The following PITRM1 variants were observed in gnomAD, a reference collection of about 807,000 sequenced individuals.
The protein encoded by PITRM1 is presequence protease, mitochondrial.
PITRM1 carries 100 observed loss-of-function variants against 129.9 expected under a neutral mutation model. That is an observed-to-expected ratio of 0.77 (90% confidence interval 0.65 to 0.91). The LOEUF (loss-of-function observed/expected upper bound fraction) is 0.91. Ranked by LOEUF, PITRM1 falls within the 40% of genes least tolerant of loss-of-function variation. The pLI, the probability that PITRM1 is intolerant of heterozygous loss-of-function variation, is 0.00. For synonymous variants in PITRM1, 591 were observed against 508.8 expected, an observed-to-expected ratio of 1.16 and a Z score of -2.17; for missense variants, 1,471 against 1,318.3, an observed-to-expected ratio of 1.12 and a Z score of -1.79.
chr10:3,158,831 G>A (rs1313943736), intron 10 of PITRM1, 83 bp downstream of exon 10: 1 of 1,274,430 alleles, frequency 7.8e-7, no homozygotes, highest in African/African-American at 1.5e-5. Flanking sequence ...TCAAGTGTGG[G>A]GCCGGGACAG....
At position 3,149,747 on chromosome 10, in the gene PITRM1, T is replaced by G; in HGVS notation, c.1745A>C (p.Asp582Ala). ...TELDVVLTAGDIPVQYCAQPT... is the reference protein window; with the variant it reads ...TELDVVLTAGAIPVQYCAQPT... ...CTGGGCGCAGTACTGAACAGGGATA[T>G]CTCCAGCTAGAAAAACAAAAGGGAT... Residue 582 changes from aspartate (D) to alanine (A), a missense_variant, in exon 16 of 27, where the codon GAT (aspartate) becomes GCT (alanine). Physicochemically the swap from Asp to Ala is moderately radical, Grantham distance 126 (BLOSUM62 -2). Coordinates refer to ENST00000224949, the MANE Select transcript of PITRM1 (RefSeq NM_014889.4). 6.2e-7 allele frequency: 1 copy of G among 1,613,694 alleles called. No individual in the cohort carries two copies.
chr10:3,156,908 A>G (rs1451844099), intron 13 of PITRM1, 22 bp downstream of exon 13: 1 of 1,466,436 alleles, frequency 6.8e-7, no homozygotes, highest in East Asian at 2.6e-5. Flanking sequence ...AATTAGAGAA[A>G]TGAATTATCC....
chr10:3,148,454 T>G, intron 16 of PITRM1, 163 bp from the exon 17 acceptor site: 3 of 837,756 alleles, frequency 3.6e-6, no homozygotes, highest in Non-Finnish European at 5.3e-6. Context: ...ACTCTGGCCT[T>G]CGCCCTCGAG....
intron 1 of PITRM1, chr10:3,172,296 G>A (rs1352637098): frequency 1.8e-5 from 9 of 486,874 alleles, no homozygotes; most frequent in Non-Finnish European, 3.2e-5. Context: ...GGAGGCGTCA[G>A]TTCTCTGAAC....
chr10:3,163,646 G>T, intron 7 of PITRM1, 79 bp downstream of exon 7: 2 of 1,183,272 alleles, frequency 1.7e-6, no homozygotes, highest in Non-Finnish European at 2.4e-6. Flanking sequence ...TGTGAGAGAA[G>T]CCATGCCATA....
chr10:3,145,112 C>T (rs1840715453), intron 21 of PITRM1: 1 of 156,830 alleles, frequency 6.4e-6, no homozygotes, highest in Non-Finnish European at 1.4e-5. Flanking sequence ...ACGGAGAAGA[C>T]ATGAGCGTCA....
intron 20 of PITRM1, chr10:3,146,881 G>A (rs1445819132): frequency 2.7e-5 from 7 of 256,354 alleles, no homozygotes; most frequent in African/African-American, 6.8e-5. Context: ...CCTCAGTTAC[G>A]GACCATGTGC....
chr10:3,146,599 G>C (rs1840895292), intron 20 of PITRM1: 1 of 152,474 alleles, frequency 6.6e-6, no homozygotes, highest in South Asian at 2.1e-4. Flanking sequence ...GGACATGACT[G>C]GGGAAAGGCA....
chr10:3,139,619 G>C (rs143101749), intron 24 of PITRM1, among the ~76,000 whole-genome samples: 1 of 152,174 alleles, frequency 6.6e-6, no homozygotes, highest in Non-Finnish European at 1.5e-5. Context: ...TCATCAGAGT[G>C]GCAATGGCTA....
rs1451911898 is a variant in PITRM1, at chr10:3,151,275, A to G, written c.1710T>C (p.Pro570=). Residue 570 remains proline, a synonymous_variant, in exon 15 of 27, where the codon CCT becomes CCC. Coordinates refer to ENST00000224949, the MANE Select transcript of PITRM1 (RefSeq NM_014889.4). ...TCAGGACCACGTCCAACTCTGTGAC[A>G]GGTATGGTGGGTTCAATATCGGAAA... The part of the protein sequence containing the change: ...LKVSDIEPTI[P]VTELDVVLTA... 4 of 1,607,212 alleles carry G rather than the reference A, an allele frequency of 2.5e-6. No homozygotes were observed. The highest frequency in any genetic ancestry group is 3.4e-6 in the Non-Finnish European group (4 of 1,176,034).
Position 3,148,179 on chromosome 10 carries a change from A to C in PITRM1, c.1984T>G (p.Tyr662Asp). The C allele has an allele frequency of 6.2e-7, 1 of 1,613,978 alleles. No homozygotes were observed. The highest frequency in any genetic ancestry group is 8.5e-7 in the Non-Finnish European group (1 of 1,179,874). Residue 662 changes from tyrosine to aspartate, a missense_variant, in exon 17 of 27, where the codon TAC becomes GAC. Coordinates refer to ENST00000224949, the MANE Select transcript of PITRM1 (RefSeq NM_014889.4). ...VLPDDSHMDTYEQGVLFSSLC... is the reference protein window; with the variant it reads ...VLPDDSHMDTDEQGVLFSSLC... ...TGACGGTACCAGGCTACCTGCTCGTAGGTGTCCATGTGTGAGTCGTCGGGG... is the reference window on the plus strand; with the variant it reads ...TGACGGTACCAGGCTACCTGCTCGTCGGTGTCCATGTGTGAGTCGTCGGGG...
At chr10:3,148,341 A>G (rs1434917409) in intron 16 of PITRM1, 50 bp from the exon 17 acceptor site, 7 of 1,534,972 alleles carry the variant, frequency 4.6e-6, no homozygotes, top group Non-Finnish European at 6.1e-6. Context: ...TCTTTACTGA[A>G]TCATTTTTAA....
At position 3,170,239 on chromosome 10, in the gene PITRM1, G is replaced by T. The variant is rs775885937; in HGVS notation, c.57-33C>A. 37 of 1,481,148 alleles carry T rather than the reference G, an allele frequency of 2.5e-5. No individual in the cohort carries two copies. The South Asian group carries it at 4.1e-4, about 16-fold the overall frequency. 91.8% of individuals were successfully genotyped at this position (1,481,148 alleles called of 1,614,324 possible). ...AAAAGTCATCTAAGTTAGATGAGTT[G>T]CAGGAAAAGTATCTGGCTAACATTA... On this transcript the variant is annotated intron_variant, in intron 1 of 26. Coordinates refer to ENST00000224949, the MANE Select transcript of PITRM1 (RefSeq NM_014889.4).
chr10:3,138,270 A>G lies in PITRM1; in HGVS notation c.2985T>C (p.Ala995=), dbSNP rs1363107366. The G allele has an allele frequency of 6.2e-7, 1 of 1,613,854 alleles. No homozygotes were observed. Among genetic ancestry groups the G allele is most frequent in the Non-Finnish European group, 8.5e-7 (1 of 1,179,766 alleles). Residue 995 remains alanine (A), a synonymous_variant, in exon 26 of 27, where the codon GCT becomes GCC. Coordinates refer to ENST00000224949, the MANE Select transcript of PITRM1 (RefSeq NM_014889.4). The stretch of plus-strand genomic sequence containing the variant: ...CGGCCAGGAGCTTGTCGTGGCTGAC[A>G]GCAAAGAGCTGCTCTCTGTGGGCCT... ...MKQAHREQLF[A]VSHDKLLAVS...
chr10:3,160,046 C>A, intron 8 of PITRM1, 110 bp from the exon 9 acceptor site: 1 of 1,249,056 alleles, frequency 8.0e-7, no homozygotes, highest in South Asian at 1.3e-5. Flanking sequence ...ACTAAGTTAA[C>A]TTTCCTTTCA....
At chr10:3,159,794 G>T in intron 9 of PITRM1, 54 bp downstream of exon 9, 1 of 1,056,768 alleles carries the variant, frequency 9.5e-7, no homozygotes, top group Admixed American at 2.0e-5. Context: ...CCTTCTAATA[G>T]GAACATTTTC....
chr10:3,151,055 G>A, intron 15 of PITRM1, 192 bp downstream of exon 15: 3 of 558,516 alleles, frequency 5.4e-6, no homozygotes, highest in East Asian at 6.1e-5. Context: ...CTTACTGAGT[G>A]AAGGAGTCTA....
At chr10:3,171,584 G>A (rs1843363659) in intron 1 of PITRM1, among the ~76,000 whole-genome samples, 1 of 152,166 alleles carries the variant, frequency 6.6e-6, no homozygotes, top group African/African-American at 2.4e-5. Flanking sequence ...GGGACTACAA[G>A]TGCTCACTAC....
chr10:3,169,165 G>A (rs1031758637), intron 2 of PITRM1, among the ~76,000 whole-genome samples: 1 of 152,176 alleles, frequency 6.6e-6, no homozygotes, highest in Non-Finnish European at 1.5e-5. Flanking sequence ...TGTGGGTGAG[G>A]CCCTTATTAA....
Sources: gnomAD v4.1 joint callset for allele counts (sites outside exome capture counted in the v4.1 genomes callset) on GRCh38, gnomAD v4.1.1 for gene constraint, MANE v1.5 for transcripts, NCBI Gene and HGNC (gene_info 2026-07-23, HGNC 2026-07-21) for gene names.